The following GRM5 variants were observed in gnomAD, a reference collection of about 807,000 sequenced individuals.
The protein encoded by GRM5 is metabotropic glutamate receptor 5.
A neutral mutation model predicts 83.1 loss-of-function variants in GRM5; 19 were observed. The observed-to-expected ratio is 0.23, with a 90% CI of 0.16 to 0.34. The LOEUF is 0.34. GRM5 is among the 10% of genes least tolerant of loss of function. GRM5 has a pLI of 1.00. For missense variants in GRM5, 1,160 were observed against 1,588.3 expected, an observed-to-expected ratio of 0.73 and a Z score of 4.58; for synonymous variants, 675 against 633.6, an observed-to-expected ratio of 1.07 and a Z score of -0.98.
chr11:88,852,296 G>A (rs1944401543), intron 2 of GRM5, among the ~76,000 whole-genome samples: 1 of 152,102 alleles, frequency 6.6e-6, no homozygotes, highest in Non-Finnish European at 1.5e-5. Context: ...AGAAACCTGA[G>A]TTCAACTTCA....
At chr11:88,575,445 G>A (rs933409843) in intron 7 of GRM5, among the ~76,000 whole-genome samples, 1 of 152,108 alleles carries the variant, frequency 6.6e-6, no homozygotes, top group Non-Finnish European at 1.5e-5. Flanking sequence ...ATCAGGGGAG[G>A]CAACTTGGCC....
chr11:88,665,680 C>A (rs1940024968), intron 3 of GRM5, among the ~76,000 whole-genome samples: 1 of 152,054 alleles, frequency 6.6e-6, no homozygotes, highest in Non-Finnish European at 1.5e-5. Flanking sequence ...TCCAAGTAGA[C>A]TTAAATTTTA....
chr11:88,799,995 A>G (rs145900399), intron 3 of GRM5, among the ~76,000 whole-genome samples: 11 of 152,266 alleles, frequency 7.2e-5, no homozygotes, highest in African/African-American at 2.6e-4. Flanking sequence ...AGAGAAACCA[A>G]CATCATGAAT....
chr11:88,754,271 GGGTCCTGTCA>G (rs1942349634), intron 3 of GRM5, among the ~76,000 whole-genome samples: 1 of 152,052 alleles, frequency 6.6e-6, no homozygotes, highest in Non-Finnish European at 1.5e-5. Context: ...AACACACACT[GGGTCCTGTCA>G]GGGAATGCTG....
chr11:88,914,851 A>C (rs1296526721), intron 2 of GRM5, among the ~76,000 whole-genome samples: 1 of 152,152 alleles, frequency 6.6e-6, no homozygotes, highest in Non-Finnish European at 1.5e-5. Flanking sequence ...ATTCCTGGGG[A>C]CTATGAAAGA....
intron 2 of GRM5, among the ~76,000 whole-genome samples, chr11:88,876,099 T>C (rs1944848713): frequency 6.6e-6 from 1 of 152,150 alleles, no homozygotes; most frequent in Admixed American, 6.6e-5. Flanking sequence ...TAGCATCTTC[T>C]TCCAATACAA....
intron 4 of GRM5, among the ~76,000 whole-genome samples, chr11:88,646,923 G>T (rs928116847): frequency 4.6e-5 from 7 of 150,628 alleles, no homozygotes; most frequent in Non-Finnish European, 1.0e-4. Context: ...AAATTGGTTG[G>T]CTTAACACAG....
intron 3 of GRM5, among the ~76,000 whole-genome samples, chr11:88,824,711 G>T (rs550543159): frequency 6.6e-6 from 1 of 152,298 alleles, no homozygotes; most frequent in South Asian, 2.1e-4. Context: ...CTTGCCCACT[G>T]CTCACTTCCT....
At chr11:88,873,566 G>C (rs1939091) in intron 2 of GRM5, among the ~76,000 whole-genome samples, 2 of 151,518 alleles carry the variant, frequency 1.3e-5, no homozygotes, top group African/African-American at 4.8e-5. Context: ...AGAACCTTGG[G>C]AAATGTACAA....
intron 2 of GRM5, among the ~76,000 whole-genome samples, chr11:88,991,134 C>T (rs1939951733): frequency 6.6e-6 from 1 of 152,154 alleles, no homozygotes; most frequent in Non-Finnish European, 1.5e-5. Context: ...AGCCCAAAAT[C>T]TCCTTAAGCT....
chr11:88,640,955 G>C (rs1939277068), intron 4 of GRM5, among the ~76,000 whole-genome samples: 1 of 152,132 alleles, frequency 6.6e-6, no homozygotes, highest in Admixed American at 6.5e-5. Context: ...AAAAAGTGTA[G>C]ATTCTTCTTG....
chr11:88,898,651 A>G (rs1372864268), intron 2 of GRM5, among the ~76,000 whole-genome samples: 1 of 152,002 alleles, frequency 6.6e-6, no homozygotes. Context: ...ACACACACAC[A>G]TAAACACACA....
intron 3 of GRM5, among the ~76,000 whole-genome samples, chr11:88,758,799 C>T (rs1427797510): frequency 1.3e-5 from 2 of 152,064 alleles, no homozygotes; most frequent in Non-Finnish European, 2.9e-5. Context: ...CTCAGAATCT[C>T]CAAGGTTAAA....
chr11:88,711,370 C>G (rs147242633), intron 3 of GRM5, among the ~76,000 whole-genome samples: 5 of 152,100 alleles, frequency 3.3e-5, no homozygotes, highest in Non-Finnish European at 7.4e-5. Context: ...CTTGTGTCAG[C>G]TCCCAAGGCA....
rs1377853671 is a variant in GRM5, at chr11:88,506,642, T to G, written c.*1950A>C. 1 of 152,216 alleles carries G rather than the reference T, an allele frequency of 6.6e-6. No individual in the cohort carries two copies. The highest frequency in any genetic ancestry group is 2.4e-5 in the African/African-American group (1 of 41,464). 9.4% of individuals were successfully genotyped at this position (152,216 alleles called of 1,614,324 possible). A position where few individuals can be genotyped will look rare whatever the true frequency, so the allele number is the denominator to read the frequency against. Reference sequence around the variant, plus strand: ...ATGGGAGGTTCGATTTCTTTTAAATTAATACTTTAGTACATTAATGTTAGC... The same window carrying G: ...ATGGGAGGTTCGATTTCTTTTAAATGAATACTTTAGTACATTAATGTTAGC... On this transcript the variant is annotated 3_prime_UTR_variant, in exon 10 of 10. Coordinates refer to ENST00000305447, the MANE Select transcript of GRM5 (RefSeq NM_001143831.3).
chr11:88,834,239 T>C (rs554531915), intron 3 of GRM5, among the ~76,000 whole-genome samples: 29 of 152,304 alleles, frequency 1.9e-4, no homozygotes, highest in African/African-American at 6.7e-4. Context: ...CCCATACATA[T>C]GTACAAATAT....
chr11:88,704,442 C>A (rs1941107500), intron 3 of GRM5, among the ~76,000 whole-genome samples: 2 of 152,020 alleles, frequency 1.3e-5, no homozygotes, highest in Non-Finnish European at 2.9e-5. Context: ...GAACACCAAA[C>A]CTAGGATGAG....
intron 3 of GRM5, among the ~76,000 whole-genome samples, chr11:88,789,433 C>T (rs1943131045): frequency 6.6e-6 from 1 of 151,902 alleles, no homozygotes; most frequent in African/African-American, 2.4e-5. Context: ...TTCGGTAAGG[C>T]TTATCTGTAA....
intron 2 of GRM5, among the ~76,000 whole-genome samples, chr11:88,991,069 G>A (rs1393641017): frequency 2.6e-5 from 4 of 152,150 alleles, no homozygotes; most frequent in Admixed American, 2.0e-4. Context: ...GAGGAAGTCT[G>A]ATTGTCCCTC....
Sources: gnomAD v4.1 joint callset for allele counts (sites outside exome capture counted in the v4.1 genomes callset) on GRCh38, gnomAD v4.1.1 for gene constraint, MANE v1.5 for transcripts, NCBI Gene and HGNC (gene_info 2026-07-23, HGNC 2026-07-21) for gene names.